Variants in NUBPL observed in about 807,000 individuals in gnomAD.
The protein encoded by NUBPL is NUBP iron-sulfur cluster assembly factor, mitochondrial, also known as iron-sulfur cluster transfer protein NUBPL.
A neutral mutation model predicts 45.7 loss-of-function variants in NUBPL; 31 were observed. That is an observed-to-expected ratio of 0.68 (90% CI 0.51 to 0.92). The LOEUF (loss-of-function observed/expected upper bound fraction) is 0.92, where lower values mean the gene tolerates loss of function less well. Among genes scored for constraint, NUBPL ranks in the 40% least tolerant of loss-of-function variants. The probability of loss-of-function intolerance (pLI) is 0.00; values close to 1 mark genes in which losing one functional copy is unlikely to be tolerated. For synonymous variants in NUBPL, 144 were observed against 140.9 expected (o/e 1.02, Z -0.15); for missense variants, 401 against 398.7 (o/e 1.01, Z -0.05).
chr14:31,834,275 G>A (rs745521273), intron 8 of NUBPL, among the ~76,000 whole-genome samples: 15 of 145,994 alleles, frequency 1.0e-4, no homozygotes, highest in Non-Finnish European at 2.1e-4. Flanking sequence ...CCGCCTCCTG[G>A]GTTCAAGCAA....
chr14:31,787,429 A>G lies in NUBPL; in HGVS notation c.514-351A>G, dbSNP rs2039304118. On this transcript the variant is annotated intron_variant, in intron 6 of 10. Transcript: ENST00000281081. Reference sequence around the variant, plus strand: ...CATGGGAAATGCAAAATTTAAAAAAAGGTGACAAAAAGCTAATATCTTCTT... The same window carrying G: ...CATGGGAAATGCAAAATTTAAAAAAGGGTGACAAAAAGCTAATATCTTCTT... Among the ~76,000 whole-genome samples the G allele has an allele frequency of 2.6e-5, 4 of 152,340 alleles. 1 individual carries two copies. The highest frequency in any genetic ancestry group is 3.4e-3 in the Middle Eastern group (1 of 294).
At chr14:31,740,436 C>T (rs756171444) in intron 6 of NUBPL, among the ~76,000 whole-genome samples, 1 of 152,106 alleles carries the variant, frequency 6.6e-6, no homozygotes, top group African/African-American at 2.4e-5. Context: ...TGCTTATTTG[C>T]CATCCATATA....
At chr14:31,604,122 G>T (rs2034518934) in intron 4 of NUBPL, among the ~76,000 whole-genome samples, 1 of 150,552 alleles carries the variant, frequency 6.6e-6, no homozygotes, top group South Asian at 2.1e-4. Flanking sequence ...TTGCAAATTG[G>T]CTGCCAGTAA....
At chr14:31,597,837 T>C (rs2034323726) in intron 3 of NUBPL, among the ~76,000 whole-genome samples, 1 of 151,778 alleles carries the variant, frequency 6.6e-6, no homozygotes, top group African/African-American at 2.4e-5. Context: ...CTTTATGCAA[T>C]AGAAGTTAAC....
intron 6 of NUBPL, among the ~76,000 whole-genome samples, chr14:31,716,325 A>G (rs749382460): frequency 6.6e-5 from 10 of 152,234 alleles, no homozygotes; most frequent in African/African-American, 1.2e-4. Context: ...GTCCTTTATT[A>G]TCATCATCAC....
chr14:31,606,279 C>T (rs1300614791), intron 4 of NUBPL, among the ~76,000 whole-genome samples: 1 of 151,366 alleles, frequency 6.6e-6, no homozygotes, highest in South Asian at 2.1e-4. Flanking sequence ...TTTTGTAGAG[C>T]TGGGGTCTCA....
At chr14:31,735,143 G>A (rs1041317156) in intron 6 of NUBPL, among the ~76,000 whole-genome samples, 5 of 152,180 alleles carry the variant, frequency 3.3e-5, no homozygotes, top group African/African-American at 9.7e-5. Flanking sequence ...GTTACCAAAT[G>A]TCCTGGAGTA....
intron 6 of NUBPL, among the ~76,000 whole-genome samples, chr14:31,760,201 C>A (rs2038776261): frequency 7.5e-6 from 1 of 134,040 alleles, no homozygotes; most frequent in South Asian, 2.4e-4. Flanking sequence ...CACTTTGCAG[C>A]CAGGCTGGAG....
intron 4 of NUBPL, among the ~76,000 whole-genome samples, chr14:31,663,481 TTTATTA>T (rs2036324951): frequency 6.6e-6 from 1 of 152,190 alleles, no homozygotes; most frequent in Admixed American, 6.5e-5. Flanking sequence ...CCCAACACTG[TTTATTA>T]AATAGGGAAT....
chr14:31,787,968 C>T (rs927476081), intron 7 of NUBPL, 95 bp downstream of exon 7: 29 of 787,244 alleles, frequency 3.7e-5, no homozygotes, highest in Admixed American at 1.5e-4. Flanking sequence ...AATATTTTGC[C>T]TTAAAAATAT....
At chr14:31,587,752 G>C (rs568299720) in intron 3 of NUBPL, among the ~76,000 whole-genome samples, 23 of 152,152 alleles carry the variant, frequency 1.5e-4, no homozygotes, top group African/African-American at 5.1e-4. Flanking sequence ...ATTTACTAGA[G>C]GCTATTTTTC....
At chr14:31,745,040 CT>C (rs369825737) in intron 6 of NUBPL, among the ~76,000 whole-genome samples, 10 of 96,498 alleles carry the variant, frequency 1.0e-4, no homozygotes, top group African/African-American at 7.1e-4. Flanking sequence ...TAGGTTATTT[CT>C]TTTTTTTTAT....
intron 4 of NUBPL, among the ~76,000 whole-genome samples, chr14:31,656,777 G>C (rs925416839): frequency 6.6e-6 from 1 of 152,210 alleles, no homozygotes; most frequent in Non-Finnish European, 1.5e-5. Flanking sequence ...TTGCCAAAAT[G>C]TGACATATAG....
chr14:31,591,773 A>C (rs1431291324), intron 3 of NUBPL, among the ~76,000 whole-genome samples: 1 of 152,176 alleles, frequency 6.6e-6, no homozygotes, highest in East Asian at 1.9e-4. Context: ...TAGTATGTTA[A>C]AGCTTATAAG....
intron 3 of NUBPL, among the ~76,000 whole-genome samples, chr14:31,580,537 C>A (rs1022035365): frequency 6.6e-6 from 1 of 152,088 alleles, no homozygotes; most frequent in Non-Finnish European, 1.5e-5. Flanking sequence ...TCACTTGAGC[C>A]CAGGAGTTCG....
chr14:31,575,600 G>A lies in NUBPL; in HGVS notation c.291+10552G>A, dbSNP rs548171506. Among the ~76,000 whole-genome samples, 12 of 152,276 alleles carry A rather than the reference G, an allele frequency of 7.9e-5. 1 individual carries two copies. The South Asian group carries it at 2.5e-3, about 32-fold the overall frequency. The stretch of plus-strand genomic sequence containing the variant: ...TATGGATGAAAATATGTTTCTCACA[G>A]TTACATATGGCAAATCCTGATGTAT... On this transcript the variant is annotated intron_variant, in intron 3 of 10. Transcript: ENST00000281081.
chr14:31,670,124 G>A lies in NUBPL; in HGVS notation c.383-3231G>A, dbSNP rs531921016. Among the ~76,000 whole-genome samples the A allele has an allele frequency of 1.1e-4, 17 of 152,024 alleles. No homozygotes were observed. The South Asian group carries it at 1.7e-3, about 15-fold the overall frequency. On this transcript the variant is annotated intron_variant, in intron 4 of 10. Coordinates refer to ENST00000281081, the MANE Select transcript of NUBPL (RefSeq NM_025152.3). The stretch of plus-strand genomic sequence containing the variant: ...AGTGTGTAGGTGTTGCCTTTTCCCC[G>A]TAACATTGCCAACATCTGTTATTTT...
chr14:31,828,343 G>A (rs2115956), intron 8 of NUBPL, among the ~76,000 whole-genome samples: 80,281 of 151,978 alleles, frequency 0.53, 22,942 homozygotes, highest in African/African-American at 0.77. Context: ...AAAAAGTTAG[G>A]AGGTTATCTA....
chr14:31,779,274 G>T (rs2039150902), intron 6 of NUBPL, among the ~76,000 whole-genome samples: 1 of 151,920 alleles, frequency 6.6e-6, no homozygotes, highest in South Asian at 2.1e-4. Context: ...GGAGGCGGAG[G>T]TTGCAGTGAG....
Sources: gnomAD v4.1 joint callset for allele counts (sites outside exome capture counted in the v4.1 genomes callset) on GRCh38, gnomAD v4.1.1 for gene constraint, MANE v1.5 for transcripts, NCBI Gene and HGNC (gene_info 2026-07-23, HGNC 2026-07-21) for gene names.